Variants in KLHL26 observed in about 807,000 individuals in gnomAD.
KLHL26 encodes kelch-like protein 26.
In KLHL26, 4 loss-of-function variants were observed where a neutral mutation model predicts 7.1. The observed-to-expected ratio is 0.56, with a 90% CI of 0.28 to 1.28. The LOEUF is 1.28. Ranked by LOEUF, KLHL26 falls within the 50% of genes most tolerant of loss-of-function variation. The pLI is 0.11. For synonymous variants in KLHL26, 465 were observed against 414.1 expected, an observed-to-expected ratio of 1.12 and a Z score of -1.49; for missense variants, 896 against 924.6, an observed-to-expected ratio of 0.97 and a Z score of 0.40.
rs780246472 is a variant in KLHL26 at position 18,664,253 on chromosome 19, C to A, written c.84-8C>A. On this transcript the variant is annotated splice_region_variant and splice_polypyrimidine_tract_variant and intron_variant, in intron 1 of 2. Transcript: ENST00000300976. ...TGGGCCATGTCCCCACCTCTGCTTT[C>A]CCCGCAGCACGGCCGACAAGAACGG... 2 of 1,588,272 alleles carry A rather than the reference C, an allele frequency of 1.3e-6. No individual in the cohort carries two copies.
intron 1 of KLHL26, among the ~76,000 whole-genome samples, chr19:18,660,860 C>T (rs1414720425): frequency 1.3e-5 from 2 of 152,174 alleles, no homozygotes; most frequent in South Asian, 2.1e-4. Flanking sequence ...CAGGCATCAC[C>T]AGGGCATGAG....
chr19:18,659,139 C>T (rs2052366175), intron 1 of KLHL26, among the ~76,000 whole-genome samples: 2 of 152,068 alleles, frequency 1.3e-5, no homozygotes, highest in Non-Finnish European at 1.5e-5. Flanking sequence ...CTGTGGGTCC[C>T]GGTTCTTCTC....
chr19:18,656,564 T>A lies in KLHL26; in HGVS notation c.84-7697T>A, dbSNP rs926348658. Among the ~76,000 whole-genome samples, 11 of 152,260 alleles carry A rather than the reference T, an allele frequency of 7.2e-5. No homozygotes were observed. The highest frequency in any genetic ancestry group is 2.6e-4 in the African/African-American group (11 of 41,566). ...AAGCCAAGGACAGACAGGCAGGGAA[T>A]GGCTCCAGATCAGGAGGCTGGGAGG... On this transcript the variant is annotated intron_variant, in intron 1 of 2. Transcript: ENST00000300976. The surrounding 1 kb of genome is among the most constrained non-coding windows in gnomAD (Gnocchi z 4.4).
chr19:18,664,613 G>A (rs1402424413), intron 2 of KLHL26, among the ~76,000 whole-genome samples, 170 bp downstream of exon 2: 2 of 151,240 alleles, frequency 1.3e-5, no homozygotes, highest in Admixed American at 1.3e-4. Context: ...ATGGAGTCTC[G>A]CGCTGTTGCC....
At chr19:18,661,590 A>G (rs1568461304) in intron 1 of KLHL26, among the ~76,000 whole-genome samples, 1 of 151,848 alleles carries the variant, frequency 6.6e-6, no homozygotes, top group Non-Finnish European at 1.5e-5. Flanking sequence ...CTCCTCACCC[A>G]TCTATAGGGC....
chr19:18,668,106 G>T lies in KLHL26; in HGVS notation c.709G>T (p.Asp237Tyr). The T allele has an allele frequency of 6.2e-7, 1 of 1,600,584 alleles. No individual in the cohort carries two copies. Among genetic ancestry groups the T allele is most frequent in the South Asian group, 1.1e-5 (1 of 90,960 alleles). ...CGCGGCCGTCCGCTGGCTGCAGCAT[G>T]ACCCGGCCCGGCGGCCGCGCGCCAG... ...FRAAVRWLQH[D>Y]PARRPRASHV... Residue 237 changes from aspartate to tyrosine, a missense_variant, in exon 3 of 3, where the codon GAC (aspartate) becomes TAC (tyrosine). Transcript: ENST00000300976.
At chr19:18,645,906 G>A (rs776543696) in intron 1 of KLHL26, among the ~76,000 whole-genome samples, 2 of 152,014 alleles carry the variant, frequency 1.3e-5, no homozygotes, top group African/African-American at 4.8e-5. Context: ...TGGCCGAGAC[G>A]CTGCGCCCGG....
chr19:18,654,396 T>C (rs575902737), intron 1 of KLHL26, among the ~76,000 whole-genome samples: 27 of 146,324 alleles, frequency 1.8e-4, no homozygotes, highest in South Asian at 4.5e-4. Flanking sequence ...CACCTGCCCG[T>C]CCAGCCACCC....
rs774388552 is a variant in KLHL26, at chr19:18,668,925, A to C, written c.1528A>C (p.Ile510Leu). The part of the protein sequence containing the change: ...LHAMVGAGGR[I>L]YALGGRMDHV... ...CGCCATGGTGGGTGCCGGCGGCCGCATCTATGCCCTCGGGGGCCGCATGGA... is the reference window on the plus strand; with the variant it reads ...CGCCATGGTGGGTGCCGGCGGCCGCCTCTATGCCCTCGGGGGCCGCATGGA... The change falls in exon 3 of 3, where the codon ATC becomes CTC. Residue 510 changes from isoleucine to leucine, a missense_variant. Ile to Leu is a conservative substitution (Grantham distance 5, BLOSUM62 2). Coordinates refer to ENST00000300976, the MANE Select transcript of KLHL26 (RefSeq NM_018316.3). The C allele has an allele frequency of 6.8e-6, 11 of 1,607,960 alleles. No homozygotes were observed. Among genetic ancestry groups the C allele is most frequent in the Non-Finnish European group, 9.3e-6 (11 of 1,179,790 alleles).
chr19:18,668,420 C>A lies in KLHL26; in HGVS notation c.1023C>A (p.Phe341Leu). ...TGCCTGAGCCGGGAGCCCGCCACTTCCGCGAGCTCACGGAGATGGAGGTAG... is the reference window on the plus strand; with the variant it reads ...TGCCTGAGCCGGGAGCCCGCCACTTACGCGAGCTCACGGAGATGGAGGTAG... ...YQLPEPGARH[F>L]RELTEMEVGC... Residue 341 changes from phenylalanine (F) to leucine (L), a missense_variant, in exon 3 of 3, where the codon TTC becomes TTA. Physicochemically the swap from Phe to Leu is conservative, Grantham distance 22. Coordinates refer to ENST00000300976, the MANE Select transcript of KLHL26 (RefSeq NM_018316.3). 6.2e-7 allele frequency: 1 copy of A among 1,611,174 alleles called. No individual in the cohort carries two copies. The highest frequency in any genetic ancestry group is 8.5e-7 in the Non-Finnish European group (1 of 1,179,634).
At chr19:18,662,702 G>C (rs913128180) in intron 1 of KLHL26, among the ~76,000 whole-genome samples, 3 of 152,158 alleles carry the variant, frequency 2.0e-5, no homozygotes, top group Non-Finnish European at 2.9e-5. Flanking sequence ...GGACCCCTGT[G>C]GGGGGCTGGA....
At chr19:18,659,827 C>G (rs2052374194) in intron 1 of KLHL26, 1 of 152,326 alleles carries the variant, frequency 6.6e-6, no homozygotes, top group South Asian at 2.1e-4. Context: ...GCCCCCACCT[C>G]CCTCTGCTCC....
At position 18,668,326 on chromosome 19, in the gene KLHL26, C is replaced by T. The variant is rs763349674; in HGVS notation, c.929C>T (p.Ser310Leu). 15 of 1,610,082 alleles carry T rather than the reference C, an allele frequency of 9.3e-6. No individual in the cohort carries two copies. The highest frequency in any genetic ancestry group is 2.2e-5 in the South Asian group (2 of 91,040). The part of the protein sequence containing the change: ...PRTAVRSDVP[S>L]LVTFGGTPYT... ...ACCGCCGTGCGCTCGGATGTGCCCT[C>T]GCTCGTCACCTTCGGCGGCACGCCC... The change falls in exon 3 of 3, where the codon TCG becomes TTG. Residue 310 changes from serine to leucine, a missense_variant. Ser to Leu is a moderately radical substitution (Grantham distance 145, BLOSUM62 -2). Transcript: ENST00000300976.
At chr19:18,660,493 C>T (rs987346422) in intron 1 of KLHL26, among the ~76,000 whole-genome samples, 21 of 152,206 alleles carry the variant, frequency 1.4e-4, no homozygotes, top group Non-Finnish European at 2.9e-4. Flanking sequence ...TCAGGGCCAC[C>T]GCCTTCCTGG....
intron 1 of KLHL26, 125 bp from the exon 2 acceptor site, chr19:18,664,135 TC>T: frequency 1.2e-6 from 1 of 803,380 alleles, no homozygotes; most frequent in Non-Finnish European, 1.8e-6. Context: ...TCTGGGCATT[TC>T]ACGTCAGTGG....
In KLHL26 at chr19:18,669,627, A is replaced by G. The variant is rs1230581384; in HGVS notation, c.*382A>G. On this transcript the variant is annotated 3_prime_UTR_variant, in exon 3 of 3. Coordinates refer to ENST00000300976, the MANE Select transcript of KLHL26 (RefSeq NM_018316.3). ...CAGCCCCACGGTTTCAGGCATTCAG[A>G]TGTGAGCTCATCAACATTGAACCCA... is the stretch of plus-strand genomic sequence containing the variant. 9.2e-6 allele frequency: 4 copies of G among 433,802 alleles called. No homozygotes were observed. Among genetic ancestry groups the G allele is most frequent in the African/African-American group, 4.0e-5 (2 of 49,754 alleles). The allele number at this position is 433,802 out of a possible 1,614,324, so 26.9% of individuals were successfully genotyped here.
At position 18,642,274 on chromosome 19, in the gene KLHL26, C is replaced by T. The variant is rs185742477; in HGVS notation, c.83+5137C>T. Among the ~76,000 whole-genome samples the T allele has an allele frequency of 3.2e-3, 480 of 152,072 alleles. 5 individuals carry two copies. Among genetic ancestry groups the T allele is most frequent in the African/African-American group, 0.011 (464 of 41,464 alleles). On this transcript the variant is annotated intron_variant, in intron 1 of 2. Coordinates refer to ENST00000300976, the MANE Select transcript of KLHL26 (RefSeq NM_018316.3). ...CTTCCACTCTCCAAGGTTCTGGCCC[C>T]TCAGAGCCACCTGCCTGACCATGCA...
At position 18,656,347 on chromosome 19, in the gene KLHL26, C is replaced by T. The variant is rs988451862; in HGVS notation, c.84-7914C>T. On this transcript the variant is annotated intron_variant, in intron 1 of 2. Coordinates refer to ENST00000300976, the MANE Select transcript of KLHL26 (RefSeq NM_018316.3). This position sits in a 1 kb window ranked among gnomAD's most constrained non-coding sequence, Gnocchi z 4.4. Reference sequence around the variant, plus strand: ...TTCCAATTGATCCTCGATTCCGAAACCTGCCTGCCTGCCCTCCCTGAACTC... The same window carrying T: ...TTCCAATTGATCCTCGATTCCGAAATCTGCCTGCCTGCCCTCCCTGAACTC... 1.3e-5 allele frequency among the ~76,000 whole-genome samples: 2 copies of T among 152,164 alleles called. No homozygotes were observed. Among genetic ancestry groups the T allele is most frequent in the African/African-American group, 4.8e-5 (2 of 41,430 alleles).
At chr19:18,661,596 AG>A (rs1446526779) in intron 1 of KLHL26, among the ~76,000 whole-genome samples, 2 of 151,994 alleles carry the variant, frequency 1.3e-5, no homozygotes. Flanking sequence ...ACCCATCTAT[AG>A]GGCAGCCCTC....
Sources: allele counts gnomAD v4.1 joint callset (sites outside exome capture counted in the v4.1 genomes callset), GRCh38; gene constraint gnomAD v4.1.1; non-coding constraint Gnocchi (gnomAD v3.1); transcripts MANE v1.5; gene names NCBI Gene and HGNC (gene_info 2026-07-23, HGNC 2026-07-21).